The following DTNB variants were observed in gnomAD, a reference collection of about 807,000 sequenced individuals.
DTNB encodes the protein DTN-B.
DTNB carries 63 observed loss-of-function variants against 90.7 expected under a neutral mutation model. The ratio of observed to expected loss-of-function variants is 0.69; its 90% confidence interval spans 0.57 to 0.86. The LOEUF (loss-of-function observed/expected upper bound fraction) is 0.86, where lower values mean the gene tolerates loss of function less well. DTNB is among the 40% of genes least tolerant of loss of function. The probability of loss-of-function intolerance (pLI) is 0.00; values close to 1 mark genes in which losing one functional copy is unlikely to be tolerated. For synonymous variants in DTNB, 277 were observed against 286.7 expected (o/e 0.97, Z 0.34); for missense variants, 744 against 807.1 (o/e 0.92, Z 0.95).
chr2:25,495,963 G>A (rs1265860197), intron 9 of DTNB, among the ~76,000 whole-genome samples: 4 of 152,120 alleles, frequency 2.6e-5, no homozygotes. Flanking sequence ...ATTTAGCATA[G>A]CCATTTGTGG....
chr2:25,380,302 C>T (rs2037272810), intron 19 of DTNB, among the ~76,000 whole-genome samples: 1 of 152,114 alleles, frequency 6.6e-6, no homozygotes, highest in African/African-American at 2.4e-5. Context: ...TGCAGTTAGT[C>T]CTAGGTCTGT....
At chr2:25,448,454 A>C (rs2150104369) in intron 12 of DTNB, among the ~76,000 whole-genome samples, 1 of 152,374 alleles carries the variant, frequency 6.6e-6, no homozygotes, top group South Asian at 2.1e-4. Flanking sequence ...TCAAAATTGC[A>C]GGAAACACAC....
At chr2:25,607,192 C>T in intron 5 of DTNB, 44 bp downstream of exon 5, 4 of 1,536,210 alleles carry the variant, frequency 2.6e-6, no homozygotes, top group Non-Finnish European at 3.5e-6. Context: ...TTTAAAAGTC[C>T]TAATTTGAAA....
rs1422853904 is a variant in DTNB at position 25,580,745 on chromosome 2, G to A, written c.685C>T (p.His229Tyr). ...PQCLVWLPLMHRLAHVENVFH... is the reference protein window; with the variant it reads ...PQCLVWLPLMYRLAHVENVFH... ...CCATTCTCAACATGGGCAAGCCTGT[G>A]CATGAGAGGTAGCCAGACAAGGCAC... is the stretch of plus-strand genomic sequence containing the variant. Residue 229 changes from histidine to tyrosine, a missense_variant, in exon 7 of 21, where the codon CAC (histidine) becomes TAC (tyrosine). Transcript: ENST00000406818. The A allele has an allele frequency of 3.1e-6, 5 of 1,613,650 alleles. No homozygotes were observed. Among genetic ancestry groups the A allele is most frequent in the Non-Finnish European group, 4.2e-6 (5 of 1,179,610 alleles).
chr2:25,616,558 T>C (rs1302284204), intron 4 of DTNB, among the ~76,000 whole-genome samples: 2 of 150,124 alleles, frequency 1.3e-5, no homozygotes, highest in Non-Finnish European at 3.0e-5. Context: ...AGATTATTAT[T>C]AGTCTCAATG....
At chr2:25,608,390 T>C (rs1020214408) in intron 4 of DTNB, among the ~76,000 whole-genome samples, 1 of 152,194 alleles carries the variant, frequency 6.6e-6, no homozygotes, top group Non-Finnish European at 1.5e-5. Context: ...CCAGGAAATA[T>C]CAATATTTGT....
At chr2:25,434,533 G>T (rs11126053) in intron 12 of DTNB, among the ~76,000 whole-genome samples, 52,329 of 150,952 alleles carry the variant, frequency 0.35, 10,543 homozygotes, top group Non-Finnish European at 0.46. Context: ...TGAGTAGATG[G>T]GACTAAAGGC....
At chr2:25,614,680 G>C (rs2069699225) in intron 4 of DTNB, among the ~76,000 whole-genome samples, 1 of 152,214 alleles carries the variant, frequency 6.6e-6, no homozygotes, top group Admixed American at 6.5e-5. Flanking sequence ...GGAAGGTTCA[G>C]TGTAATTTAA....
chr2:25,430,269 A>G (rs2149925335), intron 14 of DTNB, among the ~76,000 whole-genome samples: 1 of 152,322 alleles, frequency 6.6e-6, no homozygotes, highest in Non-Finnish European at 1.5e-5. Context: ...TTCCAAAACC[A>G]GATTATAAGT....
At chr2:25,469,889 G>A (rs184966441) in intron 10 of DTNB, among the ~76,000 whole-genome samples, 139 of 152,276 alleles carry the variant, frequency 9.1e-4, no homozygotes, top group African/African-American at 3.2e-3. Flanking sequence ...AAAAGAGAAG[G>A]CAAGAAACTC....
intron 9 of DTNB, among the ~76,000 whole-genome samples, chr2:25,501,864 A>G (rs2070795196): frequency 6.6e-6 from 1 of 152,238 alleles, no homozygotes; most frequent in Admixed American, 6.5e-5. Context: ...GACAGGTTAT[A>G]GTAAAACTTC....
chr2:25,440,130 T>C (rs540942140), intron 12 of DTNB, among the ~76,000 whole-genome samples: 2 of 152,334 alleles, frequency 1.3e-5, no homozygotes, highest in South Asian at 2.1e-4. Context: ...GGCCTCTTAA[T>C]TGATCTCTAC....
At chr2:25,383,967 C>T (rs2038696291) in intron 18 of DTNB, 78 bp from the exon 19 acceptor site, 21 of 1,609,286 alleles carry the variant, frequency 1.3e-5, no homozygotes, top group Non-Finnish European at 1.8e-5. Flanking sequence ...AAAGCAACTG[C>T]TGAGGCTTGG....
At chr2:25,633,212 G>C (rs7593285) in intron 3 of DTNB, among the ~76,000 whole-genome samples, 68,257 of 151,950 alleles carry the variant, frequency 0.45, 16,493 homozygotes, top group East Asian at 0.77. Flanking sequence ...CTCTGATGCC[G>C]AGCCGAAGCT....
At chr2:25,466,569 C>T (rs2061822578) in intron 10 of DTNB, among the ~76,000 whole-genome samples, 1 of 152,184 alleles carries the variant, frequency 6.6e-6, no homozygotes, top group Non-Finnish European at 1.5e-5. Context: ...CCGAGTCACT[C>T]AGCCAGGCGA....
At chr2:25,550,860 C>T (rs747384207) in intron 8 of DTNB, among the ~76,000 whole-genome samples, 4 of 151,990 alleles carry the variant, frequency 2.6e-5, no homozygotes, top group Non-Finnish European at 5.9e-5. Context: ...ATTTTGGCCA[C>T]GCTGGTCTCA....
In DTNB at chr2:25,673,561, G is replaced by C. The variant is rs1050667652; in HGVS notation, c.-177C>G. The C allele has an allele frequency of 1.4e-5, 2 of 147,544 alleles. No homozygotes were observed. Among genetic ancestry groups the C allele is most frequent in the African/African-American group, 4.9e-5 (2 of 40,952 alleles). 9.1% of individuals were successfully genotyped at this position (147,544 alleles called of 1,614,324 possible). On this transcript the variant is annotated 5_prime_UTR_variant, in exon 1 of 21. Coordinates refer to ENST00000406818, the MANE Select transcript of DTNB (RefSeq NM_021907.5). Reference sequence around the variant, plus strand: ...CCGGCTCGCGCCGCTTCTCCGCCCGGCACGCGCAGCGCCCGCCCCCGGCGC... The same window carrying C: ...CCGGCTCGCGCCGCTTCTCCGCCCGCCACGCGCAGCGCCCGCCCCCGGCGC...
intron 4 of DTNB, among the ~76,000 whole-genome samples, chr2:25,617,363 T>C (rs2071048755): frequency 6.6e-6 from 1 of 152,186 alleles, no homozygotes; most frequent in Non-Finnish European, 1.5e-5. Context: ...AAATACTTAG[T>C]GAACCTTTAT....
intron 16 of DTNB, among the ~76,000 whole-genome samples, chr2:25,400,142 G>A (rs1407564625): frequency 2.0e-5 from 3 of 152,174 alleles, no homozygotes; most frequent in African/African-American, 7.2e-5. Context: ...TCTGAAATAA[G>A]GTCCTTCTAA....
Sources: allele counts gnomAD v4.1 joint callset (sites outside exome capture counted in the v4.1 genomes callset), GRCh38; gene constraint gnomAD v4.1.1; transcripts MANE v1.5; gene names NCBI Gene and HGNC (gene_info 2026-07-23, HGNC 2026-07-21).